The following CISD3 variants were observed in gnomAD, a reference collection of about 807,000 sequenced individuals.
CISD3 encodes CDGSH iron sulfur domain 3.
In CISD3, 11 loss-of-function variants were observed where a neutral mutation model predicts 14.1. The observed-to-expected ratio is 0.78, with a 90% CI of 0.49 to 1.29. CISD3 has a LOEUF of 1.29. CISD3 is among the 50% of genes most tolerant of loss of function. The pLI is 0.00. For synonymous variants in CISD3, 53 were observed against 69.2 expected (o/e 0.77, Z 1.16); for missense variants, 156 against 171.6 (o/e 0.91, Z 0.51).
At chr17:38,731,475 G>A (rs79390481) in intron 3 of CISD3, 36 bp downstream of exon 3, 3 of 1,551,036 alleles carry the variant, frequency 1.9e-6, no homozygotes, top group Non-Finnish European at 2.6e-6. Context: ...TGATACCTCT[G>A]GCTAGGAACA....
At chr17:38,730,446 C>G (rs1331011078) in intron 1 of CISD3, 40 bp downstream of exon 1, 1 of 1,282,998 alleles carries the variant, frequency 7.8e-7, no homozygotes, top group African/African-American at 1.6e-5. Context: ...GTCCCGAACC[C>G]CAGCCGGGCC....
chr17:38,733,292 C>A lies in CISD3; in HGVS notation c.221C>A (p.Ser74Tyr). Residue 74 changes from serine to tyrosine, a missense_variant, in exon 4 of 4, where the codon TCC becomes TAC. Coordinates refer to ENST00000613478, the MANE Select transcript of CISD3 (RefSeq NM_001136498.2). ...CCCCACCAGCCCTTCTGTGACGGCT[C>A]CCACTTCTTCCAACGCACTGGCCTA... ...RSKKQPFCDG[S>Y]HFFQRTGLSP... 2 of 1,551,710 alleles carry A rather than the reference C, an allele frequency of 1.3e-6. No homozygotes were observed. The highest frequency in any genetic ancestry group is 1.2e-5 in the South Asian group (1 of 84,064).
At position 38,735,324 on chromosome 17, in the gene CISD3, C is replaced by A; in HGVS notation, c.*1869C>A. 6.5e-7 allele frequency: 1 copy of A among 1,542,334 alleles called. No homozygotes were observed. The highest frequency in any genetic ancestry group is 8.8e-7 in the Non-Finnish European group (1 of 1,138,514). ...CAGTTCAAGCTACCCCCGTTGGCAG[C>A]TGTGGTGGCCCCACTGGCTGTCGAA... is the stretch of plus-strand genomic sequence containing the variant. On this transcript the variant is annotated 3_prime_UTR_variant, in exon 4 of 4. Coordinates refer to ENST00000613478, the MANE Select transcript of CISD3 (RefSeq NM_001136498.2).
chr17:38,731,861 C>G (rs1906348658), intron 3 of CISD3: 1 of 193,024 alleles, frequency 5.2e-6, no homozygotes, highest in Non-Finnish European at 1.1e-5. Flanking sequence ...CAGGCCTGAC[C>G]CTGCTTAGCT....
Position 38,731,315 on chromosome 17 carries a change from C to A in CISD3, c.85-5C>A, listed in dbSNP as rs1355597632. On this transcript the variant is annotated splice_region_variant and splice_polypyrimidine_tract_variant and intron_variant, in intron 2 of 3. Coordinates refer to ENST00000613478, the MANE Select transcript of CISD3 (RefSeq NM_001136498.2). ...CCCTGAGCCCCTCATCTTCCCTGGC[C>A]ACAGGCCCAGTGGTTCCCTAGAACC... 1 of 1,551,072 alleles carries A rather than the reference C, an allele frequency of 6.4e-7. No individual in the cohort carries two copies. The highest frequency in any genetic ancestry group is 8.7e-7 in the Non-Finnish European group (1 of 1,146,930).
Position 38,730,775 on chromosome 17 carries a change from C to T in CISD3, c.64C>T (p.Arg22Trp). The T allele has an allele frequency of 3.9e-6, 6 of 1,551,704 alleles. No individual in the cohort carries two copies. Among genetic ancestry groups the T allele is most frequent in the South Asian group, 1.2e-5 (1 of 84,064 alleles). ...ARGARDLNPRRDISSWLAQWF... is the reference protein window; with the variant it reads ...ARGARDLNPRWDISSWLAQWF... Reference sequence around the variant, plus strand: ...TACCTTGCAGGACCTGAACCCGCGGCGGGACATCTCCTCCTGGCTGGTGAG... The same window carrying T: ...TACCTTGCAGGACCTGAACCCGCGGTGGGACATCTCCTCCTGGCTGGTGAG... Residue 22 changes from arginine to tryptophan, a missense_variant, in exon 2 of 4, where the codon CGG becomes TGG. Physicochemically the swap from Arg to Trp is moderately radical, Grantham distance 101. Coordinates refer to ENST00000613478, the MANE Select transcript of CISD3 (RefSeq NM_001136498.2).
Position 38,733,675 on chromosome 17 carries a change from C to G in CISD3, c.*220C>G. Reference sequence around the variant, plus strand: ...TTGCTGATGGGGAAGATGGCAAAAACAAGCCTGCCCAACCAGACTGGTAGT... The same window carrying G: ...TTGCTGATGGGGAAGATGGCAAAAAGAAGCCTGCCCAACCAGACTGGTAGT... On this transcript the variant is annotated 3_prime_UTR_variant, in exon 4 of 4. Coordinates refer to ENST00000613478, the MANE Select transcript of CISD3 (RefSeq NM_001136498.2). 1.8e-6 allele frequency: 1 copy of G among 546,342 alleles called. No homozygotes were observed. The highest frequency in any genetic ancestry group is 3.2e-6 in the Non-Finnish European group (1 of 315,074). The allele number at this position is 546,342 out of a possible 1,614,324, so 33.8% of individuals were successfully genotyped here. A position where few individuals can be genotyped will look rare whatever the true frequency, so the allele number is the denominator to read the frequency against.
At position 38,735,276 on chromosome 17, in the gene CISD3, TG is replaced by T; in HGVS notation, c.*1823del. ...TTGACAGTCATCTTGCGCCCCCTGC[TG>T]GTGGAGGATGGTGTCTGCAGGCAGT... On this transcript the variant is annotated 3_prime_UTR_variant, in exon 4 of 4. Coordinates refer to ENST00000613478, the MANE Select transcript of CISD3 (RefSeq NM_001136498.2). The T allele has an allele frequency of 1.4e-6, 2 of 1,472,558 alleles. No homozygotes were observed. Among genetic ancestry groups the T allele is most frequent in the Non-Finnish European group, 1.8e-6 (2 of 1,101,060 alleles). 91.2% of individuals were successfully genotyped at this position (1,472,558 alleles called of 1,614,324 possible).
At chr17:38,730,895 AT>A (rs1906304129) in intron 2 of CISD3, 100 bp downstream of exon 2, 1 of 1,296,150 alleles carries the variant, frequency 7.7e-7, no homozygotes, top group African/African-American at 1.5e-5. Flanking sequence ...GTACAGGCCT[AT>A]TCCCTGGAGT....
rs1452114686 is a variant in CISD3, at chr17:38,735,567, G to C, written c.*2112G>C. 9 of 1,584,016 alleles carry C rather than the reference G, an allele frequency of 5.7e-6. No individual in the cohort carries two copies. The highest frequency in any genetic ancestry group is 7.7e-6 in the Non-Finnish European group (9 of 1,164,314). The stretch of plus-strand genomic sequence containing the variant: ...GCTAGGGTGAGCCGCTTGCAGGCTG[G>C]CTGGACACGGTACTTGAGGGGGAGA... On this transcript the variant is annotated 3_prime_UTR_variant, in exon 4 of 4. Coordinates refer to ENST00000613478, the MANE Select transcript of CISD3 (RefSeq NM_001136498.2).
At chr17:38,730,582 G>A (rs1906286889) in intron 1 of CISD3, 176 bp downstream of exon 1, 2 of 827,386 alleles carry the variant, frequency 2.4e-6, no homozygotes, top group African/African-American at 3.4e-5. Context: ...CAGGACCTCC[G>A]CAGCCAGCAC....
At chr17:38,730,636 C>G (rs1479412722) in intron 1 of CISD3, 124 bp from the exon 2 acceptor site, 3 of 989,352 alleles carry the variant, frequency 3.0e-6, no homozygotes, top group Non-Finnish European at 4.7e-6. Context: ...CCTCCCTCGC[C>G]CCTTCAGCCC....
chr17:38,735,210 A>AG lies in CISD3; in HGVS notation c.*1758dup. 1 of 1,390,056 alleles carries AG rather than the reference A, an allele frequency of 7.2e-7. No homozygotes were observed. Among genetic ancestry groups the AG allele is most frequent in the South Asian group, 1.8e-5 (1 of 56,856 alleles). The allele number at this position is 1,390,056 out of a possible 1,614,324, so 86.1% of individuals were successfully genotyped here. On this transcript the variant is annotated 3_prime_UTR_variant, in exon 4 of 4. Transcript: ENST00000613478. ...GAGAGGCTTGGCTGGAAGAAGGGAG[A>AG]GGGTCCCTGGCCTCAAGTTAAGGGG...
At chr17:38,733,205 C>G in intron 3 of CISD3, 71 bp from the exon 4 acceptor site, 1 of 1,064,332 alleles carries the variant, frequency 9.4e-7, no homozygotes, top group Non-Finnish European at 1.4e-6. Flanking sequence ...TCCCCCTGAG[C>G]TCCTGCAGCC....
chr17:38,731,247 G>T, intron 2 of CISD3, 73 bp from the exon 3 acceptor site: 1 of 1,523,882 alleles, frequency 6.6e-7, no homozygotes, highest in Non-Finnish European at 8.8e-7. Flanking sequence ...TGGGAAACTA[G>T]GAAGGGTCGC....
Position 38,733,271 on chromosome 17 carries a change from A to C in CISD3, c.205-5A>C, listed in dbSNP as rs1906426868. 2 of 1,551,010 alleles carry C rather than the reference A, an allele frequency of 1.3e-6. No homozygotes were observed. The highest frequency in any genetic ancestry group is 2.0e-5 in the Admixed American group (1 of 50,974). On this transcript the variant is annotated splice_polypyrimidine_tract_variant and splice_region_variant and intron_variant, in intron 3 of 3. Transcript: ENST00000613478. The stretch of plus-strand genomic sequence containing the variant: ...GGTCTTTGACTCCTGTCTTTCCCCC[A>C]CCAGCCCTTCTGTGACGGCTCCCAC...
At chr17:38,730,893 C>CTG in intron 2 of CISD3, 98 bp downstream of exon 2, 1 of 1,315,636 alleles carries the variant, frequency 7.6e-7, no homozygotes, top group Non-Finnish European at 1.1e-6. Context: ...GAGTACAGGC[C>CTG]TATTCCCTGG....
Position 38,731,386 on chromosome 17 carries a change from C to G in CISD3, c.151C>G (p.Leu51Val), listed in dbSNP as rs77023408. 6.4e-7 allele frequency: 1 copy of G among 1,551,680 alleles called. No individual in the cohort carries two copies. Among genetic ancestry groups the G allele is most frequent in the African/African-American group, 1.4e-5 (1 of 73,142 alleles). Reference sequence around the variant, plus strand: ...CCTGAAGACCCCCATCAAGGTGGAGCTGGTGGCAGGGAAAACCTACAGGTG... The same window carrying G: ...CCTGAAGACCCCCATCAAGGTGGAGGTGGTGGCAGGGAAAACCTACAGGTG... ...VALKTPIKVE[L>V]VAGKTYRWCV... The change falls in exon 3 of 4, where the codon CTG (leucine) becomes GTG (valine). Residue 51 changes from leucine (L) to valine (V), a missense_variant. Physicochemically the swap from Leu to Val is conservative, Grantham distance 32. Coordinates refer to ENST00000613478, the MANE Select transcript of CISD3 (RefSeq NM_001136498.2).
At position 38,731,414 on chromosome 17, in the gene CISD3, G is replaced by A; in HGVS notation, c.179G>A (p.Cys60Tyr). 6.4e-7 allele frequency: 1 copy of A among 1,551,652 alleles called. No individual in the cohort carries two copies. Among genetic ancestry groups the A allele is most frequent in the Non-Finnish European group, 8.7e-7 (1 of 1,146,960 alleles). The change falls in exon 3 of 4, where the codon TGT (cysteine) becomes TAT (tyrosine). Residue 60 changes from cysteine to tyrosine, a missense_variant. Physicochemically the swap from Cys to Tyr is radical, Grantham distance 194. Coordinates refer to ENST00000613478, the MANE Select transcript of CISD3 (RefSeq NM_001136498.2). ...ELVAGKTYRWCVCGRSKKQPF... is the reference protein window; with the variant it reads ...ELVAGKTYRWYVCGRSKKQPF... ...GTGGCAGGGAAAACCTACAGGTGGT[G>A]TGTGTGTGGCCGCAGCAAGAAGCAG... is the stretch of plus-strand genomic sequence containing the variant.
Sources: gnomAD v4.1 joint callset for allele counts on GRCh38, gnomAD v4.1.1 for gene constraint, MANE v1.5 for transcripts, NCBI Gene and HGNC (gene_info 2026-07-23, HGNC 2026-07-21) for gene names.